SSTR3: variants seen among roughly 807,000 people sequenced by gnomAD.
SSTR3 encodes somatostatin receptor type 3.
For missense variants in SSTR3, 504 were observed against 604.7 expected, an observed-to-expected ratio of 0.83 and a Z score of 1.75; for synonymous variants, 281 against 269.2, an observed-to-expected ratio of 1.04 and a Z score of -0.43.
At position 37,207,524 on chromosome 22, in the gene SSTR3, T is replaced by A. The variant is rs1569079509; in HGVS notation, c.280A>T (p.Met94Leu). The A allele has an allele frequency of 6.2e-7, 1 of 1,613,344 alleles. No homozygotes were observed. The highest frequency in any genetic ancestry group is 2.2e-5 in the East Asian group (1 of 44,850). Residue 94 changes from methionine (M) to leucine (L), a missense_variant, in exon 2 of 2, where the codon ATG becomes TTG. Transcript: ENST00000610913. ...GCGGCCAGGAAGGGCAGCCCCAGCATGAAGAGCTCGTCGGCCAGCGCCAGG... is the reference window on the plus strand; with the variant it reads ...GCGGCCAGGAAGGGCAGCCCCAGCAAGAAGAGCTCGTCGGCCAGCGCCAGG... Reference protein sequence around the residue: ...LNLALADELFMLGLPFLAAQN... With the variant: ...LNLALADELFLLGLPFLAAQN...
At chr22:37,210,945 C>G (rs1157158967) in intron 1 of SSTR3, 2 of 985,352 alleles carry the variant, frequency 2.0e-6, no homozygotes, top group African/African-American at 3.5e-5. Flanking sequence ...ACATTGTCCC[C>G]GGATGGAAGC....
chr22:37,214,589 C>T (rs1926356595), upstream of SSTR3, among the ~76,000 whole-genome samples: 1 of 152,114 alleles, frequency 6.6e-6, no homozygotes. Context: ...TGCCTTATGT[C>T]AGTTTAATTC....
In SSTR3 at chr22:37,207,191, CG is replaced by C. The variant is rs1256761701; in HGVS notation, c.612del (p.Gly205AlafsTer27). ...QWPEPAAAWR[A>X]GFIIYTAALG... is the part of the protein sequence containing the mutation. ...AGTGCGGCCGTGTAGATGATGAAGC[CG>C]GCTCGCCAGGCCGCCGCCGGCTCGG... On this transcript the variant is annotated frameshift_variant, in exon 2 of 2. Transcript: ENST00000610913. LOFTEE classifies it low-confidence loss of function (END_TRUNC). 6.2e-7 allele frequency: 1 copy of C among 1,611,370 alleles called. No individual in the cohort carries two copies. The highest frequency in any genetic ancestry group is 2.2e-5 in the East Asian group (1 of 44,842).
chr22:37,205,252 T>G lies in SSTR3; in HGVS notation c.*1295A>C, dbSNP rs1925653180. 1 of 152,662 alleles carries G rather than the reference T, an allele frequency of 6.6e-6. No homozygotes were observed. The highest frequency in any genetic ancestry group is 2.1e-4 in the South Asian group (1 of 4,848). The allele number at this position is 152,662 out of a possible 1,614,324, so 9.5% of individuals were successfully genotyped here. ...ACGCAGGCCCTGTGCCTGTCTGTACTCTGTGCATTTGCCATTGCACCCTGG... is the reference window on the plus strand; with the variant it reads ...ACGCAGGCCCTGTGCCTGTCTGTACGCTGTGCATTTGCCATTGCACCCTGG... On this transcript the variant is annotated 3_prime_UTR_variant, in exon 2 of 2. Coordinates refer to ENST00000610913, the MANE Select transcript of SSTR3 (RefSeq NM_001051.5).
Position 37,206,415 on chromosome 22 carries a change from C to A in SSTR3, c.*132G>T. The A allele has an allele frequency of 7.1e-7, 1 of 1,401,344 alleles. No individual in the cohort carries two copies. Among genetic ancestry groups the A allele is most frequent in the East Asian group, 2.4e-5 (1 of 41,096 alleles). The allele number at this position is 1,401,344 out of a possible 1,614,324, so 86.8% of individuals were successfully genotyped here. On this transcript the variant is annotated 3_prime_UTR_variant, in exon 2 of 2. Transcript: ENST00000610913. ...CCTACCCAAGGTCACACAGCAAGACCTGGCAGCAATAGCATCAAAGTCCAG... is the reference window on the plus strand; with the variant it reads ...CCTACCCAAGGTCACACAGCAAGACATGGCAGCAATAGCATCAAAGTCCAG...
the SSTR3 span, among the ~76,000 whole-genome samples, chr22:37,218,786 G>A: frequency 5.9e-5 from 9 of 152,054 alleles, no homozygotes; most frequent in Non-Finnish European, 1.2e-4. Flanking sequence ...GCCTGACCAC[G>A]TAATGGAAAA....
chr22:37,210,262 G>A (rs553635531), intron 1 of SSTR3, among the ~76,000 whole-genome samples: 57 of 152,348 alleles, frequency 3.7e-4, no homozygotes, highest in African/African-American at 1.3e-3. Context: ...GTAGCCCGCT[G>A]GGGGTAAGCT....
upstream of SSTR3, among the ~76,000 whole-genome samples, chr22:37,214,135 C>G (rs1440232755): frequency 1.3e-5 from 2 of 152,214 alleles, no homozygotes; most frequent in Non-Finnish European, 2.9e-5. Flanking sequence ...CAGCCTGGAA[C>G]CCGTCCACTG....
chr22:37,216,272 A>C (rs1382405516), upstream of SSTR3, among the ~76,000 whole-genome samples: 1 of 146,252 alleles, frequency 6.8e-6, no homozygotes, highest in Non-Finnish European at 1.5e-5. Flanking sequence ...TAAATATCAT[A>C]TTGATTTTTT....
intron 1 of SSTR3, 67 bp downstream of exon 1, chr22:37,211,758 C>G: frequency 1.0e-6 from 1 of 985,534 alleles, no homozygotes; most frequent in Non-Finnish European, 1.2e-6. Flanking sequence ...CCAAGTTCAT[C>G]CTGGGCAGAG....
At chr22:37,210,804 G>A (rs973451368) in intron 1 of SSTR3, 27 of 985,354 alleles carry the variant, frequency 2.7e-5, no homozygotes, top group South Asian at 9.4e-5. Flanking sequence ...TCTCCCACCC[G>A]CTAGAACACT....
intron 1 of SSTR3, among the ~76,000 whole-genome samples, 170 bp downstream of exon 1, chr22:37,211,654 GC>G (rs1339107799): frequency 3.9e-5 from 6 of 152,014 alleles, no homozygotes; most frequent in Admixed American, 1.3e-4. Context: ...TGAGACTAAC[GC>G]CCCTGCCCCT....
At chr22:37,220,098 T>C in the SSTR3 span, among the ~76,000 whole-genome samples, 1 of 152,150 alleles carries the variant, frequency 6.6e-6, no homozygotes, top group Non-Finnish European at 1.5e-5. Flanking sequence ...TTTGAATAAA[T>C]ACACCTATTT....
At chr22:37,218,649 G>A in the SSTR3 span, among the ~76,000 whole-genome samples, 7 of 130,922 alleles carry the variant, frequency 5.3e-5, no homozygotes, top group African/African-American at 1.8e-4. Flanking sequence ...TTATTTGCAA[G>A]GCATCATCGA....
the SSTR3 span, among the ~76,000 whole-genome samples, chr22:37,218,354 G>A: frequency 6.6e-6 from 1 of 152,254 alleles, no homozygotes; most frequent in African/African-American, 2.4e-5. Flanking sequence ...GTGGGAGTTC[G>A]AGACCAGCCT....
At chr22:37,211,356 G>T (rs1343744759) in intron 1 of SSTR3, among the ~76,000 whole-genome samples, 2 of 152,240 alleles carry the variant, frequency 1.3e-5, no homozygotes, top group African/African-American at 2.4e-5. Context: ...GGGGGCTTGG[G>T]CTCTGCTGCA....
In SSTR3 at chr22:37,206,751, C is replaced by T; in HGVS notation, c.1053G>A (p.Glu351=). ...TVGPPEKTEE[E]DEEEEDGEES... Reference sequence around the variant, plus strand: ...CCTCCCCATCCTCCTCCTCCTCATCCTCCTCCTCAGTCTTCTCCGGGGGCC... The same window carrying T: ...CCTCCCCATCCTCCTCCTCCTCATCTTCCTCCTCAGTCTTCTCCGGGGGCC... The change falls in exon 2 of 2, where the codon GAG becomes GAA. Residue 351 remains glutamate (E), a synonymous_variant. Transcript: ENST00000610913. The T allele has an allele frequency of 1.2e-6, 2 of 1,609,904 alleles. No homozygotes were observed. The highest frequency in any genetic ancestry group is 1.7e-6 in the Non-Finnish European group (2 of 1,179,794).
At chr22:37,217,900 C>T in the SSTR3 span, among the ~76,000 whole-genome samples, 2 of 152,138 alleles carry the variant, frequency 1.3e-5, no homozygotes, top group Non-Finnish European at 2.9e-5. Context: ...GACAGGGTTT[C>T]ACCATGTTGG....
the SSTR3 span, among the ~76,000 whole-genome samples, chr22:37,219,904 T>G: frequency 6.6e-6 from 1 of 152,092 alleles, no homozygotes; most frequent in East Asian, 1.9e-4. Context: ...CTCAGCTGGG[T>G]CGCTGGCATG....
Sources: allele counts gnomAD v4.1 joint callset (sites outside exome capture counted in the v4.1 genomes callset), GRCh38; gene constraint gnomAD v4.1.1; transcripts MANE v1.5; gene names NCBI Gene and HGNC (gene_info 2026-07-23, HGNC 2026-07-21).